GLI2: variants seen among roughly 807,000 people sequenced by gnomAD.
GLI2 encodes GLI family zinc finger 2, also known as transcription activator GLI2.
A neutral mutation model predicts 78.9 loss-of-function variants in GLI2; 22 were observed. The ratio of observed to expected loss-of-function variants is 0.28; its 90% CI spans 0.20 to 0.40. GLI2 has a LOEUF of 0.40. GLI2 is among the 10% of genes least tolerant of loss of function. The pLI is 1.00. For missense variants in GLI2, 2,097 were observed against 2,213.2 expected (o/e 0.95, Z 1.05); for synonymous variants, 974 against 963.7 (o/e 1.01, Z -0.20).
At chr2:120,961,717 G>A (rs1367715405) in intron 5 of GLI2, among the ~76,000 whole-genome samples, 4 of 152,168 alleles carry the variant, frequency 2.6e-5, no homozygotes, top group African/African-American at 7.2e-5. Context: ...GCATCTCCTC[G>A]GCAAGCCAGA....
In GLI2 at chr2:120,799,357, C is replaced by T. The variant is rs67762664; in HGVS notation, c.148+1889C>T. On this transcript the variant is annotated intron_variant, in intron 2 of 13. Transcript: ENST00000361492. ...TCCAGCGGAGGGTGGACCCAGCCTT[C>T]GTGAGCATAGTTGCCACAGGGCAGG... 1.1e-4 allele frequency among the ~76,000 whole-genome samples: 17 copies of T among 152,276 alleles called. No homozygotes were observed. The East Asian group carries it at 2.3e-3, about 21-fold the overall frequency.
intron 2 of GLI2, among the ~76,000 whole-genome samples, chr2:120,831,713 C>T (rs914247852): frequency 1.3e-5 from 2 of 152,166 alleles, no homozygotes; most frequent in Non-Finnish European, 2.9e-5. Flanking sequence ...GGAGGTGCCT[C>T]CTGGTCTGGT....
chr2:120,868,528 C>T (rs1218292721), intron 2 of GLI2, among the ~76,000 whole-genome samples: 2 of 152,214 alleles, frequency 1.3e-5, no homozygotes, highest in Admixed American at 6.5e-5. Context: ...GATGCTGCCC[C>T]TAAGGCCTTG....
At chr2:120,974,873 C>T (rs764549387) in intron 8 of GLI2, 102 bp from the exon 9 acceptor site, 1 of 1,566,760 alleles carries the variant, frequency 6.4e-7, no homozygotes, top group Admixed American at 1.7e-5. Context: ...CCTGTAACAG[C>T]CCAGGGTCCT....
At chr2:120,830,210 C>G (rs1307310032) in intron 2 of GLI2, among the ~76,000 whole-genome samples, 1 of 152,182 alleles carries the variant, frequency 6.6e-6, no homozygotes, top group Non-Finnish European at 1.5e-5. Context: ...GGTGCAGCCA[C>G]CTGCACCGTG....
intron 2 of GLI2, among the ~76,000 whole-genome samples, chr2:120,848,078 A>G (rs1308183207): frequency 6.6e-6 from 1 of 152,220 alleles, no homozygotes; most frequent in African/African-American, 2.4e-5. Context: ...AGAAGGCATG[A>G]ATAATGCAGG....
rs74318393 is a variant in GLI2, at chr2:120,757,786, C to T, written c.-31+21501C>T. 1.0e-2 allele frequency among the ~76,000 whole-genome samples: 1,520 copies of T among 152,320 alleles called. 23 individuals are homozygous for T. The highest frequency in any genetic ancestry group is 0.034 in the African/African-American group (1,432 of 41,564). ...TCTGCCTGGTTACCCCTCCCTGTGCCGTGGCCTGGAAACACTCTCTGGAAA... is the reference window on the plus strand; with the variant it reads ...TCTGCCTGGTTACCCCTCCCTGTGCTGTGGCCTGGAAACACTCTCTGGAAA... On this transcript the variant is annotated intron_variant, in intron 1 of 13. Coordinates refer to ENST00000361492, the MANE Select transcript of GLI2 (RefSeq NM_001374353.1).
chr2:120,787,625 A>G (rs930818195), intron 1 of GLI2, among the ~76,000 whole-genome samples: 1 of 152,124 alleles, frequency 6.6e-6, no homozygotes, highest in Non-Finnish European at 1.5e-5. Context: ...TTTTTCCTCC[A>G]CACTCAGGAA....
intron 1 of GLI2, among the ~76,000 whole-genome samples, chr2:120,763,277 C>T (rs189245344): frequency 9.2e-5 from 14 of 152,292 alleles, no homozygotes; most frequent in African/African-American, 3.1e-4. Flanking sequence ...TAAAGGAGCC[C>T]CTGTCCATTA....
chr2:120,916,246 G>C (rs1341553226), intron 2 of GLI2, among the ~76,000 whole-genome samples: 2 of 152,242 alleles, frequency 1.3e-5, no homozygotes, highest in Non-Finnish European at 2.9e-5. Context: ...TACATCATGT[G>C]TTCCTCTCGA....
intron 2 of GLI2, among the ~76,000 whole-genome samples, chr2:120,913,415 G>T (rs1678932649): frequency 6.6e-6 from 1 of 152,094 alleles, no homozygotes; most frequent in African/African-American, 2.4e-5. Flanking sequence ...TTGACGTACT[G>T]GTTCAATTAA....
chr2:120,924,476 T>C (rs1679561524), intron 2 of GLI2, among the ~76,000 whole-genome samples: 1 of 152,084 alleles, frequency 6.6e-6, no homozygotes, highest in African/African-American at 2.4e-5. Flanking sequence ...TCCTCATCTC[T>C]TTAATGGGCA....
chr2:120,942,559 C>G (rs1325879777), intron 3 of GLI2, among the ~76,000 whole-genome samples: 1 of 152,208 alleles, frequency 6.6e-6, no homozygotes, highest in African/African-American at 2.4e-5. Context: ...ATCCCTTTTC[C>G]CAGTAAGTTC....
chr2:120,987,648 A>G (rs1683041907), intron 13 of GLI2, among the ~76,000 whole-genome samples: 1 of 152,092 alleles, frequency 6.6e-6, no homozygotes, highest in South Asian at 2.1e-4. Flanking sequence ...CATCTCAGGG[A>G]CGCCTAGGTG....
chr2:120,988,403 TCTC>T lies in GLI2; in HGVS notation c.2440_2442del (p.Ser815del), dbSNP rs770837314. 2.2e-5 allele frequency: 34 copies of T among 1,569,006 alleles called. No individual in the cohort carries two copies. Among genetic ancestry groups the T allele is most frequent in the Admixed American group, 7.0e-5 (4 of 57,104 alleles). On this transcript the variant is annotated inframe_deletion, in exon 14 of 14. Coordinates refer to ENST00000361492, the MANE Select transcript of GLI2 (RefSeq NM_001374353.1). ...CGCTCCTCCGGCATCTCCCCCTACT[TCTC>T]CAGCCGCCGCTCCAGCGAGGCCTCG...
chr2:120,845,912 C>CA (rs1239403677), intron 2 of GLI2, among the ~76,000 whole-genome samples: 1 of 152,194 alleles, frequency 6.6e-6, no homozygotes, highest in Non-Finnish European at 1.5e-5. Context: ...ATCCTCACAA[C>CA]AACCCTTTCC....
rs34857969 is a variant in GLI2 at position 120,800,728 on chromosome 2, A to G, written c.148+3260A>G. ...TCACTGTGTTAGCCAGGATGGTCTC[A>G]ATCTCCTGACCTCATGATCCGCCCG... On this transcript the variant is annotated intron_variant, in intron 2 of 13. Transcript: ENST00000361492. This position sits in a 1 kb window ranked among gnomAD's most constrained non-coding sequence, Gnocchi z 4.1. 0.52 allele frequency among the ~76,000 whole-genome samples: 78,833 copies of G among 151,604 alleles called. 22,339 individuals are homozygous for G. The highest frequency in any genetic ancestry group is 0.7 in the South Asian group (3,331 of 4,770).
At chr2:120,875,643 T>G (rs1258994835) in intron 2 of GLI2, among the ~76,000 whole-genome samples, 1 of 152,208 alleles carries the variant, frequency 6.6e-6, no homozygotes, top group Non-Finnish European at 1.5e-5. Flanking sequence ...CTTCTTCGCC[T>G]CAGGACACCC....
intron 2 of GLI2, among the ~76,000 whole-genome samples, chr2:120,891,915 C>A (rs1164978682): frequency 6.6e-6 from 1 of 152,178 alleles, no homozygotes; most frequent in Non-Finnish European, 1.5e-5. Flanking sequence ...CCCCTCTTTC[C>A]ACTGCACTCC....
Sources: allele counts gnomAD v4.1 joint callset (sites outside exome capture counted in the v4.1 genomes callset), GRCh38; gene constraint gnomAD v4.1.1; non-coding constraint Gnocchi (gnomAD v3.1); transcripts MANE v1.5; gene names NCBI Gene and HGNC (gene_info 2026-07-23, HGNC 2026-07-21).